The following ATP9A variants were observed in gnomAD, a reference collection of about 807,000 sequenced individuals.
ATP9A encodes the protein probable phospholipid-transporting ATPase IIA.
ATP9A carries 52 observed loss-of-function variants against 144.1 expected under a neutral mutation model. The observed-to-expected ratio is 0.36, with a 90% CI of 0.29 to 0.45. The LOEUF is 0.45. Among genes scored for constraint, ATP9A ranks in the 20% least tolerant of loss-of-function variants. The pLI is 1.00. For synonymous variants in ATP9A, 582 were observed against 557.4 expected (o/e 1.04, Z -0.62); for missense variants, 947 against 1,392.7 (o/e 0.68, Z 5.09).
At chr20:51,739,612 T>C (rs539079930) in intron 1 of ATP9A, among the ~76,000 whole-genome samples, 1 of 152,200 alleles carries the variant, frequency 6.6e-6, no homozygotes, top group East Asian at 1.9e-4. Context: ...TCTTTAATCA[T>C]GGTTGTAAAA....
chr20:51,744,616 G>A (rs1408258704), intron 1 of ATP9A, among the ~76,000 whole-genome samples: 3 of 152,228 alleles, frequency 2.0e-5, no homozygotes, highest in South Asian at 2.1e-4. Context: ...GAGGAGCAGA[G>A]CCAAGGGAAC....
chr20:51,729,991 A>G lies in ATP9A; in HGVS notation c.69-13T>C. ...CCACTCGCAGCACCTGTGGGAAAGA[A>G]ACCCACGCATCAAGGCCACGCCCAC... On this transcript the variant is annotated splice_polypyrimidine_tract_variant and intron_variant, in intron 1 of 27. Transcript: ENST00000338821. The G allele has an allele frequency of 6.6e-7, 1 of 1,522,108 alleles. No individual in the cohort carries two copies. Among genetic ancestry groups the G allele is most frequent in the Non-Finnish European group, 8.8e-7 (1 of 1,139,384 alleles). 94.3% of individuals were successfully genotyped at this position (1,522,108 alleles called of 1,614,324 possible). A position where few individuals can be genotyped will look rare whatever the true frequency, so the allele number is the denominator to read the frequency against.
At chr20:51,617,631 A>T in intron 21 of ATP9A, 77 bp from the exon 22 acceptor site, 2 of 1,519,206 alleles carry the variant, frequency 1.3e-6, no homozygotes, top group Non-Finnish European at 1.8e-6. Context: ...TCTTTACCGC[A>T]CTCTCGTCTT....
chr20:51,618,409 C>A (rs1033532686), intron 21 of ATP9A, among the ~76,000 whole-genome samples: 1 of 152,152 alleles, frequency 6.6e-6, no homozygotes, highest in South Asian at 2.1e-4. Context: ...TGGTCTCCAC[C>A]CCCTGGAAGG....
At chr20:51,765,694 G>C (rs1042078686) in intron 1 of ATP9A, among the ~76,000 whole-genome samples, 3 of 143,958 alleles carry the variant, frequency 2.1e-5, no homozygotes, top group Admixed American at 7.0e-5. Context: ...GGTGGCTCAC[G>C]TCTGTAATCC....
At chr20:51,686,209 C>T (rs996501856) in intron 9 of ATP9A, among the ~76,000 whole-genome samples, 1 of 151,836 alleles carries the variant, frequency 6.6e-6, no homozygotes, top group African/African-American at 2.4e-5. Context: ...CACACCGGGG[C>T]CTGTCGTGGC....
At chr20:51,729,810 A>G in intron 2 of ATP9A, 24 bp downstream of exon 2, 2 of 1,531,524 alleles carry the variant, frequency 1.3e-6, no homozygotes, top group South Asian at 2.6e-5. Flanking sequence ...AAAAGAAAAG[A>G]GCACGGTCCC....
rs184562815 is a variant in ATP9A, at chr20:51,750,532, A to C, written c.68+17770T>G. On this transcript the variant is annotated intron_variant, in intron 1 of 27. Coordinates refer to ENST00000338821, the MANE Select transcript of ATP9A (RefSeq NM_006045.3). ...TCCAGTGGAAGGCAATTTCCTAGAC[A>C]CCAAAACAATAAGCAAAAACATGAG... Among the ~76,000 whole-genome samples, 105 of 152,264 alleles carry C rather than the reference A, an allele frequency of 6.9e-4. 2 individuals carry two copies. The highest frequency in any genetic ancestry group is 6.8e-3 in the Middle Eastern group (2 of 294).
Position 51,639,441 on chromosome 20 carries a change from T to A in ATP9A, c.1570A>T (p.Met524Leu). 4.3e-6 allele frequency: 7 copies of A among 1,614,050 alleles called. No homozygotes were observed. Among genetic ancestry groups the A allele is most frequent in the Non-Finnish European group, 4.2e-6 (5 of 1,179,946 alleles). The change falls in exon 15 of 28, where the codon ATG (methionine) becomes TTG (leucine). Residue 524 changes from methionine to leucine, a missense_variant. Met to Leu is a conservative substitution (Grantham distance 15). Coordinates refer to ENST00000338821, the MANE Select transcript of ATP9A (RefSeq NM_006045.3). ...LTLVGRDQSS[M>L]QLRTPGDQIL... ...TGGTCGCCAGGGGTCCTCAGCTGCATGGAAGACTGGTCTCGGCCCACCAGG... is the reference window on the plus strand; with the variant it reads ...TGGTCGCCAGGGGTCCTCAGCTGCAAGGAAGACTGGTCTCGGCCCACCAGG...
At chr20:51,720,372 AG>A (rs1274198234) in intron 3 of ATP9A, among the ~76,000 whole-genome samples, 1 of 152,190 alleles carries the variant, frequency 6.6e-6, no homozygotes, top group Non-Finnish European at 1.5e-5. Flanking sequence ...ACTAAAATGA[AG>A]TTAGAGTATT....
At chr20:51,759,062 T>A (rs2077868193) in intron 1 of ATP9A, among the ~76,000 whole-genome samples, 2 of 152,196 alleles carry the variant, frequency 1.3e-5, no homozygotes. Context: ...GAGCAGCTAG[T>A]CTGGTTTTGG....
chr20:51,629,458 C>A (rs547518727), intron 15 of ATP9A, among the ~76,000 whole-genome samples: 1 of 152,310 alleles, frequency 6.6e-6, no homozygotes, highest in East Asian at 1.9e-4. Context: ...CAGGGAGTCT[C>A]AACCTCGTCA....
At chr20:51,648,290 C>T (rs1283864433) in intron 14 of ATP9A, among the ~76,000 whole-genome samples, 1 of 152,202 alleles carries the variant, frequency 6.6e-6, no homozygotes, top group Non-Finnish European at 1.5e-5. Flanking sequence ...CTCCCCGGCA[C>T]CATGTACTTG....
At chr20:51,602,168 G>A (rs546894914) in intron 27 of ATP9A, among the ~76,000 whole-genome samples, 3 of 143,536 alleles carry the variant, frequency 2.1e-5, no homozygotes, top group African/African-American at 4.9e-5. Context: ...GATGGAAGGT[G>A]GGGGGGGCGG....
intron 15 of ATP9A, 45 bp downstream of exon 15, chr20:51,639,298 C>G (rs760117941): frequency 2.5e-5 from 40 of 1,572,264 alleles, no homozygotes; most frequent in Non-Finnish European, 3.4e-5. Flanking sequence ...ACGCAGCACA[C>G]CTGGGGTACT....
chr20:51,619,017 G>C lies in ATP9A; in HGVS notation c.2142C>G (p.Leu714=). ...RLVTNRGEAH[L]ELNAFRRKHD... ...GCTTCCTGCGGAAGGCGTTCAGCTC[G>C]AGGTGAGCCTCCCCGCGGTTGGTCA... The change falls in exon 20 of 28, where the codon CTC becomes CTG. Residue 714 remains leucine, a synonymous_variant. Coordinates refer to ENST00000338821, the MANE Select transcript of ATP9A (RefSeq NM_006045.3). The C allele has an allele frequency of 3.1e-6, 5 of 1,614,176 alleles. No individual in the cohort carries two copies. The highest frequency in any genetic ancestry group is 1.1e-5 in the South Asian group (1 of 91,078).
chr20:51,653,279 A>G (rs1410816272), intron 14 of ATP9A, among the ~76,000 whole-genome samples: 1 of 152,058 alleles, frequency 6.6e-6, no homozygotes, highest in Non-Finnish European at 1.5e-5. Context: ...AGTACCATTC[A>G]CTTTGAGAAA....
chr20:51,691,778 G>C (rs2077549585), intron 7 of ATP9A, among the ~76,000 whole-genome samples: 1 of 152,174 alleles, frequency 6.6e-6, no homozygotes, highest in African/African-American at 2.4e-5. Flanking sequence ...GGGACTTGAA[G>C]TGATCATCTG....
intron 13 of ATP9A, among the ~76,000 whole-genome samples, chr20:51,658,195 C>CA (rs1186340389): frequency 2.0e-5 from 3 of 152,156 alleles, no homozygotes; most frequent in Non-Finnish European, 4.4e-5. Context: ...CACGGTGGCT[C>CA]ACGCCTGTAA....
Sources: allele counts gnomAD v4.1 joint callset (sites outside exome capture counted in the v4.1 genomes callset), GRCh38; gene constraint gnomAD v4.1.1; transcripts MANE v1.5; gene names NCBI Gene and HGNC (gene_info 2026-07-23, HGNC 2026-07-21).